The following ADGRL2 variants were observed in gnomAD, a reference collection of about 807,000 sequenced individuals.
ADGRL2 encodes adhesion G protein-coupled receptor L2.
ADGRL2 carries 44 observed loss-of-function variants against 157.4 expected under a neutral mutation model. The ratio of observed to expected loss-of-function variants is 0.28; its 90% CI spans 0.22 to 0.36. The LOEUF (loss-of-function observed/expected upper bound fraction) is 0.36, where lower values mean the gene tolerates loss of function less well. ADGRL2 is among the 10% of genes least tolerant of loss of function. The probability of loss-of-function intolerance (pLI) is 1.00; values close to 1 mark genes in which losing one functional copy is unlikely to be tolerated. For missense variants in ADGRL2, 1,510 were observed against 1,768.9 expected (o/e 0.85, Z 2.63); for synonymous variants, 585 against 624.7 (o/e 0.94, Z 0.95).
intron 1 of ADGRL2, among the ~76,000 whole-genome samples, chr1:81,331,246 G>T (rs1661245681): frequency 6.6e-6 from 1 of 152,080 alleles, no homozygotes; most frequent in African/African-American, 2.4e-5. Flanking sequence ...AAAGAAATAT[G>T]CAAGAATGCA....
chr1:81,520,420 C>A (rs928701580), intron 2 of ADGRL2, among the ~76,000 whole-genome samples: 30 of 152,070 alleles, frequency 2.0e-4, no homozygotes, highest in South Asian at 6.2e-4. Flanking sequence ...ACTTAAACAC[C>A]TTTTAAAGTC....
At chr1:81,596,919 C>G (rs756606595) in intron 3 of ADGRL2, among the ~76,000 whole-genome samples, 6 of 152,100 alleles carry the variant, frequency 3.9e-5, no homozygotes, top group Non-Finnish European at 7.3e-5. Context: ...TGCCTGTCCC[C>G]CATCTGTCTG....
rs1190141781 is a variant in ADGRL2 at position 81,339,382 on chromosome 1, G to GCA, written c.-302+32884_-302+32885dup. On this transcript the variant is annotated intron_variant, in intron 1 of 24. Transcript: ENST00000370721. The stretch of plus-strand genomic sequence containing the variant: ...ACCCATATGTGTGTTGCATACATGT[G>GCA]CACACACACACAAAATTACAATCAC... Among the ~76,000 whole-genome samples the GCA allele has an allele frequency of 2.6e-5, 4 of 152,174 alleles. No individual in the cohort carries two copies. In the East Asian group the frequency reaches 7.7e-4, roughly 29 times the overall value.
chr1:81,597,472 C>G (rs985283411), intron 3 of ADGRL2, among the ~76,000 whole-genome samples: 2 of 152,110 alleles, frequency 1.3e-5, no homozygotes, highest in Non-Finnish European at 2.9e-5. Flanking sequence ...ATGATAAAAA[C>G]GTGAATTTAT....
chr1:81,922,818 C>A (rs1222758450), intron 3 of ADGRL2, among the ~76,000 whole-genome samples: 2 of 152,032 alleles, frequency 1.3e-5, no homozygotes, highest in Admixed American at 1.3e-4. Flanking sequence ...GAGTTTGAGA[C>A]CAGCTGGACC....
intron 1 of ADGRL2, among the ~76,000 whole-genome samples, chr1:81,368,006 A>G (rs1473096550): frequency 6.6e-6 from 1 of 152,198 alleles, no homozygotes; most frequent in Non-Finnish European, 1.5e-5. Flanking sequence ...ATGTATCTTT[A>G]TAATAGAATG....
chr1:81,841,608 C>A (rs1281399275), intron 2 of ADGRL2, among the ~76,000 whole-genome samples: 1 of 151,924 alleles, frequency 6.6e-6, no homozygotes, highest in Non-Finnish European at 1.5e-5. Flanking sequence ...TTCTTTCATT[C>A]TTTGATTTAC....
chr1:81,595,341 G>T (rs771647831), intron 3 of ADGRL2, among the ~76,000 whole-genome samples: 9 of 152,184 alleles, frequency 5.9e-5, no homozygotes, highest in Non-Finnish European at 1.2e-4. Flanking sequence ...GTAAACATGG[G>T]AGTAATAACA....
intron 1 of ADGRL2, among the ~76,000 whole-genome samples, chr1:81,834,651 G>T (rs2092167621): frequency 6.6e-6 from 1 of 151,914 alleles, no homozygotes; most frequent in African/African-American, 2.4e-5. Context: ...TTTATTTGAT[G>T]TAAAAGCGAT....
At chr1:81,729,020 T>C (rs1570984317) in intron 1 of ADGRL2, among the ~76,000 whole-genome samples, 1 of 151,916 alleles carries the variant, frequency 6.6e-6, no homozygotes, top group East Asian at 1.9e-4. Context: ...CTGATAAACA[T>C]CCCAAAAGGC....
intron 3 of ADGRL2, among the ~76,000 whole-genome samples, chr1:81,648,008 A>T (rs1383475822): frequency 2.0e-5 from 3 of 152,168 alleles, no homozygotes; most frequent in Non-Finnish European, 4.4e-5. Flanking sequence ...ACCTCCACCT[A>T]TTTAGATGTG....
At chr1:81,336,121 G>A (rs985876734) in intron 1 of ADGRL2, among the ~76,000 whole-genome samples, 1 of 152,102 alleles carries the variant, frequency 6.6e-6, no homozygotes, top group African/African-American at 2.4e-5. Context: ...CCTGATTAAC[G>A]TTCAGTGGCC....
chr1:81,756,317 ATCATTCAT>A (rs5775637), intron 1 of ADGRL2, among the ~76,000 whole-genome samples: 6 of 151,148 alleles, frequency 4.0e-5, no homozygotes, highest in Non-Finnish European at 2.9e-5. Flanking sequence ...TTCTTCTTTT[ATCATTCAT>A]TCATTCATTC....
chr1:81,645,435 G>C (rs907867377), intron 3 of ADGRL2, among the ~76,000 whole-genome samples: 1 of 148,144 alleles, frequency 6.8e-6, no homozygotes, highest in Non-Finnish European at 1.5e-5. Context: ...TTAAATGCAC[G>C]AGTACATTAC....
intron 2 of ADGRL2, among the ~76,000 whole-genome samples, chr1:81,856,808 T>TA (rs201513842): frequency 1.0e-4 from 15 of 150,046 alleles, no homozygotes; most frequent in East Asian, 5.8e-4. Flanking sequence ...ATTACAGAAT[T>TA]AAAAAAAAAA....
intron 1 of ADGRL2, among the ~76,000 whole-genome samples, chr1:81,738,252 C>A (rs2084965940): frequency 6.6e-6 from 1 of 152,104 alleles, no homozygotes; most frequent in Non-Finnish European, 1.5e-5. Flanking sequence ...TCTTGGGGTC[C>A]TAATTCTCAT....
chr1:81,860,961 A>G (rs2093368065), intron 2 of ADGRL2, among the ~76,000 whole-genome samples: 1 of 150,572 alleles, frequency 6.6e-6, no homozygotes, highest in African/African-American at 2.4e-5. Flanking sequence ...GCCTATTTTG[A>G]TAATTTTTGT....
intron 1 of ADGRL2, among the ~76,000 whole-genome samples, chr1:81,393,085 T>G (rs2076587767): frequency 1.3e-5 from 2 of 152,084 alleles, no homozygotes; most frequent in Non-Finnish European, 2.9e-5. Flanking sequence ...TCCAGCTGTT[T>G]GTTCTTTTCT....
chr1:81,481,870 C>G (rs1376596009), intron 2 of ADGRL2, among the ~76,000 whole-genome samples: 1 of 152,096 alleles, frequency 6.6e-6, no homozygotes, highest in East Asian at 1.9e-4. Context: ...GTTTCTTTGC[C>G]TCCATCTCAC....
Sources: allele counts gnomAD v4.1 joint callset (sites outside exome capture counted in the v4.1 genomes callset), GRCh38; gene constraint gnomAD v4.1.1; transcripts MANE v1.5; gene names NCBI Gene and HGNC (gene_info 2026-07-23, HGNC 2026-07-21).